HTR7: variants seen among roughly 807,000 people sequenced by gnomAD.
HTR7 encodes 5-HT-7.
Under a neutral mutation model 34.0 loss-of-function variants are expected in HTR7, and 16 were observed. The observed-to-expected ratio is 0.47, with a 90% CI of 0.32 to 0.71. The LOEUF is 0.71. Ranked by LOEUF, HTR7 falls within the 30% of genes least tolerant of loss-of-function variation. The pLI, the probability that HTR7 is intolerant of heterozygous loss-of-function variation, is 0.04. For missense variants in HTR7, 504 were observed against 625.5 expected (o/e 0.81, Z 2.07); for synonymous variants, 265 against 260.2 (o/e 1.02, Z -0.18).
chr10:90,807,335 T>C (rs978020658), intron 1 of HTR7, among the ~76,000 whole-genome samples: 1 of 152,210 alleles, frequency 6.6e-6, no homozygotes, highest in Non-Finnish European at 1.5e-5. Context: ...CCCTGTCACT[T>C]GCACGTACAC....
At chr10:90,828,258 A>G (rs1208016677) in intron 1 of HTR7, among the ~76,000 whole-genome samples, 1 of 152,208 alleles carries the variant, frequency 6.6e-6, no homozygotes, top group East Asian at 1.9e-4. Flanking sequence ...ACATAAAAAA[A>G]GTAGAAAGAC....
chr10:90,828,213 A>C (rs1284803511), intron 1 of HTR7, among the ~76,000 whole-genome samples: 2 of 152,260 alleles, frequency 1.3e-5, no homozygotes, highest in Non-Finnish European at 2.9e-5. Context: ...TAGTGAAAGC[A>C]GTAATAAGAG....
At chr10:90,794,677 A>G (rs1224194922) in intron 1 of HTR7, among the ~76,000 whole-genome samples, 1 of 151,876 alleles carries the variant, frequency 6.6e-6, no homozygotes, top group African/African-American at 2.4e-5. Flanking sequence ...TTTTTTTATT[A>G]TTATTTGTAG....
Position 90,816,257 on chromosome 10 carries a change from C to T in HTR7, c.539+40876G>A, listed in dbSNP as rs184934056. Among the ~76,000 whole-genome samples the T allele has an allele frequency of 3.0e-3, 458 of 152,344 alleles. 3 individuals are homozygous for T. The highest frequency in any genetic ancestry group is 5.0e-3 in the Non-Finnish European group (337 of 68,036). ...CAATGTCCTGCTTGGAAGGCTGCTA[C>T]TCTGATTGTAAAGCATACTTTTGTG... On this transcript the variant is annotated intron_variant, in intron 1 of 3. Coordinates refer to ENST00000336152, the MANE Select transcript of HTR7 (RefSeq NM_019859.4).
rs564647736 is a variant in HTR7, at chr10:90,756,980, T to C, written c.540-7386A>G. 2.0e-5 allele frequency among the ~76,000 whole-genome samples: 3 copies of C among 152,346 alleles called. No individual in the cohort carries two copies. The East Asian group carries it at 5.8e-4, about 29-fold the overall frequency. The stretch of plus-strand genomic sequence containing the variant: ...ATACTTGTTAATTACTTCAGTTGTA[T>C]ATGGATTCACAATAAACTAAATTTT... On this transcript the variant is annotated intron_variant, in intron 1 of 3. Coordinates refer to ENST00000336152, the MANE Select transcript of HTR7 (RefSeq NM_019859.4).
chr10:90,828,008 A>C (rs1846106858), intron 1 of HTR7, among the ~76,000 whole-genome samples: 1 of 152,252 alleles, frequency 6.6e-6, no homozygotes, highest in Non-Finnish European at 1.5e-5. Flanking sequence ...TGAAAGAATA[A>C]GTATCTTCTC....
chr10:90,799,561 C>G (rs1845594072), intron 1 of HTR7, among the ~76,000 whole-genome samples: 2 of 152,096 alleles, frequency 1.3e-5, no homozygotes, highest in Non-Finnish European at 2.9e-5. Context: ...ACTGATACTT[C>G]TAGGACTCCC....
At chr10:90,775,657 A>G (rs1845194410) in intron 1 of HTR7, among the ~76,000 whole-genome samples, 1 of 152,152 alleles carries the variant, frequency 6.6e-6, no homozygotes, top group African/African-American at 2.4e-5. Context: ...GGCCTGACAT[A>G]TTTTTTAGTG....
chr10:90,795,477 A>G (rs1845523900), intron 1 of HTR7, among the ~76,000 whole-genome samples: 1 of 152,224 alleles, frequency 6.6e-6, no homozygotes, highest in African/African-American at 2.4e-5. Flanking sequence ...AATGAAACAA[A>G]TGATAAAGGT....
At chr10:90,800,923 C>T (rs534695472) in intron 1 of HTR7, among the ~76,000 whole-genome samples, 4 of 152,288 alleles carry the variant, frequency 2.6e-5, no homozygotes, top group South Asian at 4.1e-4. Context: ...TTAACTCTGA[C>T]GGGATCTCAG....
At chr10:90,756,579 G>C (rs1844835208) in intron 1 of HTR7, among the ~76,000 whole-genome samples, 1 of 152,108 alleles carries the variant, frequency 6.6e-6, no homozygotes, top group Non-Finnish European at 1.5e-5. Context: ...GTAGATAAAA[G>C]AGAGAGGGGG....
chr10:90,839,840 A>T (rs1419380747), intron 1 of HTR7, among the ~76,000 whole-genome samples: 1 of 152,064 alleles, frequency 6.6e-6, no homozygotes, highest in Non-Finnish European at 1.5e-5. Context: ...AAGCTAAATG[A>T]CTCATATCTC....
At chr10:90,790,096 C>T (rs1482753733) in intron 1 of HTR7, among the ~76,000 whole-genome samples, 1 of 152,102 alleles carries the variant, frequency 6.6e-6, no homozygotes, top group African/African-American at 2.4e-5. Flanking sequence ...ATGTACCTTC[C>T]CAGTGCTAAC....
intron 1 of HTR7, among the ~76,000 whole-genome samples, chr10:90,806,635 A>G (rs547576085): frequency 1.3e-5 from 2 of 152,082 alleles, no homozygotes; most frequent in South Asian, 4.2e-4. Flanking sequence ...AAAATAAAAA[A>G]ATAAAAAAAA....
chr10:90,818,497 G>T (rs1044764005), intron 1 of HTR7, among the ~76,000 whole-genome samples: 1 of 152,074 alleles, frequency 6.6e-6, no homozygotes, highest in African/African-American at 2.4e-5. Context: ...AGTGAGCCGA[G>T]ATCGCACCAT....
Position 90,857,058 on chromosome 10 carries a change from G to C in HTR7, c.539+75C>G. On this transcript the variant is annotated intron_variant, in intron 1 of 3. Coordinates refer to ENST00000336152, the MANE Select transcript of HTR7 (RefSeq NM_019859.4). This position sits in a 1 kb window ranked among gnomAD's most constrained non-coding sequence, Gnocchi z 6.5. ...TTGAAGTCTAGCTTGATCCTCCCAGGAAAGGCGAGCGCGCGGGGCTGAGCT... is the reference window on the plus strand; with the variant it reads ...TTGAAGTCTAGCTTGATCCTCCCAGCAAAGGCGAGCGCGCGGGGCTGAGCT... 1 of 1,363,364 alleles carries C rather than the reference G, an allele frequency of 7.3e-7. No homozygotes were observed. The highest frequency in any genetic ancestry group is 1.5e-5 in the South Asian group (1 of 67,748). The allele number at this position is 1,363,364 out of a possible 1,614,324, so 84.5% of individuals were successfully genotyped here.
rs1385858819 is a variant in HTR7, at chr10:90,741,459, T to C, written c.*1023A>G. 2 of 152,234 alleles carry C rather than the reference T, an allele frequency of 1.3e-5. No homozygotes were observed. Among genetic ancestry groups the C allele is most frequent in the Non-Finnish European group, 2.9e-5 (2 of 68,024 alleles). 9.4% of individuals were successfully genotyped at this position (152,234 alleles called of 1,614,324 possible). The stretch of plus-strand genomic sequence containing the variant: ...AACAAATTCTCTAGAAGGAACAGAC[T>C]GGTGTTCTGAAGCATTTCCCAAGAG... On this transcript the variant is annotated 3_prime_UTR_variant, in exon 4 of 4. Transcript: ENST00000336152.
chr10:90,747,054 T>G (rs1370751559), intron 2 of HTR7, among the ~76,000 whole-genome samples: 1 of 152,164 alleles, frequency 6.6e-6, no homozygotes, highest in African/African-American at 2.4e-5. Flanking sequence ...AATACAAGCA[T>G]CGGGGTGATT....
intron 1 of HTR7, among the ~76,000 whole-genome samples, chr10:90,779,086 A>G (rs918668870): frequency 3.9e-5 from 6 of 152,204 alleles, no homozygotes; most frequent in African/African-American, 1.4e-4. Context: ...CTCACTGATG[A>G]AAGGCCAGGA....
Sources: allele counts gnomAD v4.1 joint callset (sites outside exome capture counted in the v4.1 genomes callset), GRCh38; gene constraint gnomAD v4.1.1; non-coding constraint Gnocchi (gnomAD v3.1); transcripts MANE v1.5; gene names NCBI Gene and HGNC (gene_info 2026-07-23, HGNC 2026-07-21).